Variants in FGF12 observed in about 807,000 individuals in gnomAD.
FGF12 encodes the protein fibroblast growth factor 12B.
In FGF12, 14 loss-of-function variants were observed where a neutral mutation model predicts 23.6. That is an observed-to-expected ratio of 0.59 (90% CI 0.39 to 0.93). The LOEUF (loss-of-function observed/expected upper bound fraction) is 0.93. Ranked by LOEUF, FGF12 falls within the 40% of genes least tolerant of loss-of-function variation. The pLI is 0.00. For missense variants in FGF12, 175 were observed against 217.8 expected, an observed-to-expected ratio of 0.80 and a Z score of 1.24; for synonymous variants, 62 against 77.3, an observed-to-expected ratio of 0.80 and a Z score of 1.04.
intron 2 of FGF12, among the ~76,000 whole-genome samples, chr3:192,551,621 G>A (rs971076340): frequency 9.9e-5 from 15 of 152,272 alleles, no homozygotes; most frequent in Non-Finnish European, 1.6e-4. Context: ...AGGAAAGACC[G>A]TGACCTAAAA....
intron 2 of FGF12, among the ~76,000 whole-genome samples, chr3:192,667,607 TAAAAAAAAAA>T (rs59867848): frequency 6.6e-5 from 5 of 76,190 alleles, no homozygotes; most frequent in African/African-American, 2.5e-4. Context: ...CGAGACTCCG[TAAAAAAAAAA>T]AAAAAAAAAA....
intron 2 of FGF12, among the ~76,000 whole-genome samples, chr3:192,502,100 T>A (rs1283740349): frequency 6.6e-6 from 1 of 152,200 alleles, no homozygotes; most frequent in Non-Finnish European, 1.5e-5. Context: ...GATGAGAATT[T>A]TCCCTTGTCC....
chr3:192,483,530 AAAT>A (rs1409095661), intron 2 of FGF12, among the ~76,000 whole-genome samples: 1 of 152,212 alleles, frequency 6.6e-6, no homozygotes, highest in African/African-American at 2.4e-5. Flanking sequence ...GATAATTCAC[AAAT>A]ATTATAGTAA....
intron 2 of FGF12, among the ~76,000 whole-genome samples, chr3:192,386,584 A>G (rs1174108586): frequency 6.6e-6 from 1 of 152,192 alleles, no homozygotes; most frequent in Non-Finnish European, 1.5e-5. Context: ...CCAGAAGAAT[A>G]AATATGAGTA....
chr3:192,570,341 T>C (rs1712534226), intron 2 of FGF12, among the ~76,000 whole-genome samples: 1 of 152,026 alleles, frequency 6.6e-6, no homozygotes, highest in African/African-American at 2.4e-5. Context: ...GTTAAACTTA[T>C]CAAAAAAAGA....
At chr3:192,158,375 TTTC>T (rs1714603411) in intron 5 of FGF12, among the ~76,000 whole-genome samples, 2 of 117,338 alleles carry the variant, frequency 1.7e-5, no homozygotes, top group East Asian at 2.2e-4. Context: ...TCTTTCTTTC[TTTC>T]TTTCTTTTCT....
At chr3:192,382,837 TG>T (rs1719877393) in intron 2 of FGF12, among the ~76,000 whole-genome samples, 1 of 152,194 alleles carries the variant, frequency 6.6e-6, no homozygotes, top group South Asian at 2.1e-4. Flanking sequence ...TGAGGAGTAA[TG>T]GCAAGTCATT....
intron 2 of FGF12, among the ~76,000 whole-genome samples, chr3:192,469,200 C>T (rs762287802): frequency 1.1e-4 from 16 of 152,258 alleles, no homozygotes; most frequent in Admixed American, 3.3e-4. Context: ...TCTAAGGTGT[C>T]CTGGCTCTTT....
intron 4 of FGF12, among the ~76,000 whole-genome samples, chr3:192,265,653 T>A (rs1713034536): frequency 6.6e-6 from 1 of 152,048 alleles, no homozygotes; most frequent in Non-Finnish European, 1.5e-5. Flanking sequence ...GTTTTTTTTT[T>A]AACACAGCCA....
chr3:192,216,829 A>G (rs1183610649), intron 4 of FGF12, among the ~76,000 whole-genome samples: 2 of 152,226 alleles, frequency 1.3e-5, no homozygotes, highest in Non-Finnish European at 2.9e-5. Context: ...TGGAGCAAAC[A>G]CGGGCTTAAA....
chr3:192,682,261 T>C (rs1717557361), intron 2 of FGF12, among the ~76,000 whole-genome samples: 1 of 152,130 alleles, frequency 6.6e-6, no homozygotes, highest in South Asian at 2.1e-4. Context: ...TATAAGCCCC[T>C]GAACGCACAC....
intron 2 of FGF12, among the ~76,000 whole-genome samples, chr3:192,712,668 C>T (rs185856516): frequency 5.6e-4 from 85 of 151,596 alleles, no homozygotes; most frequent in African/African-American, 1.9e-3. Context: ...CACGATTGTT[C>T]AAATATGAGG....
chr3:192,484,315 T>TAAAAA (rs57914760), intron 2 of FGF12, among the ~76,000 whole-genome samples: 8 of 99,660 alleles, frequency 8.0e-5, no homozygotes, highest in Non-Finnish European at 1.4e-4. Flanking sequence ...TCCATTTTCC[T>TAAAAA]AAAAAAAAAA....
intron 2 of FGF12, among the ~76,000 whole-genome samples, chr3:192,598,753 C>T (rs888322662): frequency 3.9e-5 from 6 of 152,108 alleles, no homozygotes; most frequent in African/African-American, 1.4e-4. Context: ...TATCAAGGCA[C>T]TTAGATTAAG....
At chr3:192,721,663 C>G (rs1719042815) in intron 2 of FGF12, among the ~76,000 whole-genome samples, 1 of 152,076 alleles carries the variant, frequency 6.6e-6, no homozygotes, top group South Asian at 2.1e-4. Context: ...AAGGGAATGG[C>G]AAGTAGGTTG....
chr3:192,378,222 C>T (rs940737932), intron 2 of FGF12, among the ~76,000 whole-genome samples: 1 of 149,408 alleles, frequency 6.7e-6, no homozygotes, highest in African/African-American at 2.6e-5. Context: ...GAGATTCTCC[C>T]GCCTTAGCCT....
intron 5 of FGF12, among the ~76,000 whole-genome samples, chr3:192,168,930 T>A (rs1463565699): frequency 6.6e-6 from 1 of 152,176 alleles, no homozygotes; most frequent in Non-Finnish European, 1.5e-5. Flanking sequence ...AAGGCCATCA[T>A]GGAAGTATTG....
chr3:192,159,999 C>T (rs532101645), intron 5 of FGF12, among the ~76,000 whole-genome samples: 1 of 151,712 alleles, frequency 6.6e-6, no homozygotes, highest in Non-Finnish European at 1.5e-5. Flanking sequence ...AGCACACAGA[C>T]CCATTATTCG....
At chr3:192,526,780 C>T (rs1278192805) in intron 2 of FGF12, among the ~76,000 whole-genome samples, 6 of 152,152 alleles carry the variant, frequency 3.9e-5, no homozygotes, top group African/African-American at 7.2e-5. Context: ...TAGAGTTAAC[C>T]ATATGGTTCG....
Sources: allele counts gnomAD v4.1 joint callset (sites outside exome capture counted in the v4.1 genomes callset), GRCh38; gene constraint gnomAD v4.1.1; transcripts MANE v1.5; gene names NCBI Gene and HGNC (gene_info 2026-07-23, HGNC 2026-07-21).